Variants in ALMS1 observed in about 807,000 individuals in gnomAD.
ALMS1 encodes the protein ALMS1 centrosome and basal body associated protein, also known as centrosome-associated protein ALMS1.
ALMS1 carries 271 observed loss-of-function variants against 352.2 expected under a neutral mutation model. That is an observed-to-expected ratio of 0.77 (90% confidence interval 0.70 to 0.85). The LOEUF is 0.85. Ranked by LOEUF, ALMS1 falls within the 40% of genes least tolerant of loss-of-function variation. The pLI, the probability that ALMS1 is intolerant of heterozygous loss-of-function variation, is 0.00. For missense variants in ALMS1, 5,445 were observed against 4,870.7 expected, an observed-to-expected ratio of 1.12 and a Z score of -3.51; for synonymous variants, 1,865 against 1,761.2, an observed-to-expected ratio of 1.06 and a Z score of -1.48.
intron 12 of ALMS1, among the ~76,000 whole-genome samples, chr2:73,539,724 G>A (rs1385328879): frequency 6.6e-6 from 1 of 152,204 alleles, no homozygotes; most frequent in Admixed American, 6.5e-5. Context: ...ACTACGTGGC[G>A]AATGTACAAG....
Position 73,569,265 on chromosome 2 carries a change from T to C in ALMS1, c.10385-2997T>C, listed in dbSNP as rs569274242. ...CCTGACCTCAAGTAAGCCACCCCCA[T>C]TGGCCTTCCAAAGTGCTGGGATTAC... On this transcript the variant is annotated intron_variant, in intron 15 of 22. Coordinates refer to ENST00000613296, the MANE Select transcript of ALMS1 (RefSeq NM_001378454.1). 1.4e-3 allele frequency among the ~76,000 whole-genome samples: 207 copies of C among 152,110 alleles called. 1 individual carries two copies. Among genetic ancestry groups the C allele is most frequent in the African/African-American group, 3.1e-3 (127 of 41,498 alleles).
At chr2:73,455,569 A>G (rs755392158) in intron 9 of ALMS1, among the ~76,000 whole-genome samples, 20 of 152,082 alleles carry the variant, frequency 1.3e-4, no homozygotes, top group Non-Finnish European at 2.9e-4. Context: ...CTGCTCGGCT[A>G]ATTTTTAAAT....
chr2:73,519,750 T>C, intron 10 of ALMS1, 25 bp from the exon 11 acceptor site: 1 of 1,613,774 alleles, frequency 6.2e-7, no homozygotes, highest in Non-Finnish European at 8.5e-7. Flanking sequence ...TATAATCTGC[T>C]GTATTCTTTC....
Position 73,449,875 on chromosome 2 carries a change from G to C in ALMS1, c.3348G>C (p.Leu1116=). ...AACAGACCTTGCCAGAGAGTCATCT[G>C]CCTAAAGAGGCTCTGAAAATTTCAG... ...FYQQTLPESH[L]PKEALKISVA... The change falls in exon 8 of 23, where the codon CTG becomes CTC. Residue 1116 remains leucine, a synonymous_variant. Coordinates refer to ENST00000613296, the MANE Select transcript of ALMS1 (RefSeq NM_001378454.1). 6.2e-7 allele frequency: 1 copy of C among 1,612,432 alleles called. No individual in the cohort carries two copies. Among genetic ancestry groups the C allele is most frequent in the Non-Finnish European group, 8.5e-7 (1 of 1,179,492 alleles).
At chr2:73,603,462 A>G in intron 21 of ALMS1, 158 bp downstream of exon 21, 1 of 693,412 alleles carries the variant, frequency 1.4e-6, no homozygotes, top group Non-Finnish European at 2.5e-6. Context: ...CTGAAAAAAA[A>G]AAAAGCACAT....
chr2:73,583,415 A>C (rs1429970903), intron 16 of ALMS1, among the ~76,000 whole-genome samples: 2 of 152,128 alleles, frequency 1.3e-5, no homozygotes, highest in Non-Finnish European at 2.9e-5. Context: ...TCTCAGATAC[A>C]TGATTTGTAA....
At chr2:73,389,567 A>C (rs552179449) in intron 1 of ALMS1, among the ~76,000 whole-genome samples, 2 of 152,164 alleles carry the variant, frequency 1.3e-5, no homozygotes, top group South Asian at 4.1e-4. Flanking sequence ...TAAATCTTTA[A>C]TCTATCTTGA....
Position 73,600,591 on chromosome 2 carries a change from T to C in ALMS1, c.11669-87T>C. ...CAAAGGGATTGTATTTTTGAAACAT[T>C]AAAAAGGGTTCACGTACTCACTTGA... On this transcript the variant is annotated intron_variant, in intron 17 of 22. Coordinates refer to ENST00000613296, the MANE Select transcript of ALMS1 (RefSeq NM_001378454.1). 2.4e-6 allele frequency: 3 copies of C among 1,252,104 alleles called. No homozygotes were observed. In the South Asian group the frequency reaches 4.6e-5, roughly 19 times the overall value. The allele number at this position is 1,252,104 out of a possible 1,614,324, so 77.6% of individuals were successfully genotyped here.
At chr2:73,477,266 G>A (rs1193175867) in intron 9 of ALMS1, among the ~76,000 whole-genome samples, 2 of 152,032 alleles carry the variant, frequency 1.3e-5, no homozygotes, top group African/African-American at 4.8e-5. Flanking sequence ...GAATTTTCAT[G>A]ACCTCTTTGC....
chr2:73,530,537 T>C (rs1673886863), intron 11 of ALMS1, among the ~76,000 whole-genome samples: 1 of 152,188 alleles, frequency 6.6e-6, no homozygotes. Flanking sequence ...ACCTGTGGCT[T>C]TTCCAGGTGC....
chr2:73,438,994 T>G (rs1671660731), intron 7 of ALMS1, among the ~76,000 whole-genome samples: 1 of 77,418 alleles, frequency 1.3e-5, no homozygotes, highest in Non-Finnish European at 2.5e-5. Flanking sequence ...TTTCTTCTTC[T>G]TCCTCTTCTT....
intron 11 of ALMS1, among the ~76,000 whole-genome samples, chr2:73,532,030 A>G (rs1230695318): frequency 6.6e-6 from 1 of 152,266 alleles, no homozygotes; most frequent in Non-Finnish European, 1.5e-5. Flanking sequence ...AGTTTCTGAT[A>G]AGATCCAGAA....
intron 9 of ALMS1, 138 bp downstream of exon 9, chr2:73,455,433 T>C: frequency 9.3e-7 from 1 of 1,072,202 alleles, no homozygotes; most frequent in South Asian, 1.4e-5. Flanking sequence ...TGAGACAGTC[T>C]TGCTCTGTTG....
chr2:73,576,670 G>A (rs1460453111), intron 16 of ALMS1, among the ~76,000 whole-genome samples: 1 of 151,076 alleles, frequency 6.6e-6, no homozygotes, highest in Admixed American at 6.6e-5. Context: ...GCCCAGGCTG[G>A]AGTGCAATGA....
At chr2:73,578,319 T>A (rs961218542) in intron 16 of ALMS1, among the ~76,000 whole-genome samples, 9 of 152,192 alleles carry the variant, frequency 5.9e-5, no homozygotes, top group African/African-American at 2.2e-4. Flanking sequence ...GGTCATTTTT[T>A]ATAAGCTATT....
At chr2:73,573,716 C>G (rs750414628) in intron 16 of ALMS1, 4 of 582,824 alleles carry the variant, frequency 6.9e-6, no homozygotes, top group African/African-American at 1.9e-5. Flanking sequence ...AGAATGATCT[C>G]TATCCTGAAC....
rs763718623 is a variant in ALMS1 at position 73,601,229 on chromosome 2, G to A, written c.11907G>A (p.Glu3969=). ...GGTTTGTTCCTGTGGAAAATGTGGA[G>A]TCTAGATCAAAGAAGGAAAACGTGC... ...VSWFVPVENV[E]SRSKKENVPN... The change falls in exon 19 of 23, where the codon GAG becomes GAA. Residue 3969 remains glutamate, a synonymous_variant. Transcript: ENST00000613296. 6.2e-7 allele frequency: 1 copy of A among 1,614,110 alleles called. No individual in the cohort carries two copies. Among genetic ancestry groups the A allele is most frequent in the African/African-American group, 1.3e-5 (1 of 74,936 alleles).
intron 15 of ALMS1, among the ~76,000 whole-genome samples, chr2:73,569,751 T>C (rs1160019250): frequency 6.6e-6 from 1 of 152,216 alleles, no homozygotes; most frequent in Non-Finnish European, 1.5e-5. Flanking sequence ...CTTTTATGCT[T>C]TTGCTCATGC....
intron 16 of ALMS1, among the ~76,000 whole-genome samples, chr2:73,598,870 G>T (rs1405373355): frequency 6.6e-6 from 1 of 152,034 alleles, no homozygotes; most frequent in Non-Finnish European, 1.5e-5. Context: ...TGCTCTACTT[G>T]CTCTGAACGT....
Sources: allele counts gnomAD v4.1 joint callset (sites outside exome capture counted in the v4.1 genomes callset), GRCh38; gene constraint gnomAD v4.1.1; transcripts MANE v1.5; gene names NCBI Gene and HGNC (gene_info 2026-07-23, HGNC 2026-07-21).